MAP4: variants seen among roughly 807,000 people sequenced by gnomAD.
MAP4 encodes microtubule-associated protein 4.
MAP4 carries 76 observed loss-of-function variants against 170.2 expected under a neutral mutation model. The observed-to-expected ratio is 0.45, with a 90% confidence interval of 0.37 to 0.54. The LOEUF is 0.54. MAP4 is among the 20% of genes least tolerant of loss of function. The probability of loss-of-function intolerance (pLI) is 0.00; values close to 1 mark genes in which losing one functional copy is unlikely to be tolerated. For synonymous variants in MAP4, 909 were observed against 994.5 expected, an observed-to-expected ratio of 0.91 and a Z score of 1.62; for missense variants, 2,506 against 2,748.0, an observed-to-expected ratio of 0.91 and a Z score of 1.97.
chr3:47,858,573 G>A (rs1017738068), intron 17 of MAP4, among the ~76,000 whole-genome samples: 10 of 149,610 alleles, frequency 6.7e-5, no homozygotes, highest in African/African-American at 2.5e-4. Flanking sequence ...CCCCTTGGGA[G>A]AGGTGAGGGG....
At chr3:47,982,309 A>G (rs984864024) in intron 2 of MAP4, among the ~76,000 whole-genome samples, 5 of 152,236 alleles carry the variant, frequency 3.3e-5, no homozygotes, top group Non-Finnish European at 7.3e-5. Context: ...AGCACAATCA[A>G]GAAAAAACTT....
intron 1 of MAP4, among the ~76,000 whole-genome samples, chr3:48,032,022 T>C (rs1559825068): frequency 1.3e-5 from 2 of 151,998 alleles, no homozygotes; most frequent in Non-Finnish European, 2.9e-5. Flanking sequence ...CTCTGTCTAA[T>C]CATGAGAAAA....
At chr3:47,865,438 C>T (rs1032017109) in intron 17 of MAP4, among the ~76,000 whole-genome samples, 4 of 152,122 alleles carry the variant, frequency 2.6e-5, no homozygotes, top group African/African-American at 7.2e-5. Flanking sequence ...CAATTCCACC[C>T]GAGTGTAAAG....
intron 1 of MAP4, among the ~76,000 whole-genome samples, chr3:48,059,959 T>G (rs996754522): frequency 7.0e-6 from 1 of 142,742 alleles, no homozygotes; most frequent in African/African-American, 2.5e-5. Flanking sequence ...GGCCACAGAG[T>G]GAGACTCTGT....
intron 3 of MAP4, chr3:47,975,526 G>A (rs2100081532): frequency 9.0e-7 from 1 of 1,116,768 alleles, no homozygotes; most frequent in Admixed American, 2.0e-5. Context: ...GGGTGGAAAA[G>A]CACAGGTCAT....
chr3:48,074,728 T>C (rs560343485), intron 1 of MAP4, among the ~76,000 whole-genome samples: 1 of 34,990 alleles, frequency 2.9e-5, no homozygotes. Context: ...GTGTGTGTGA[T>C]ATGTCGGCCA....
chr3:48,072,155 T>C (rs1464288988), intron 1 of MAP4, among the ~76,000 whole-genome samples: 1 of 151,532 alleles, frequency 6.6e-6, no homozygotes, highest in Non-Finnish European at 1.5e-5. Flanking sequence ...GCCAAGATCA[T>C]GTCACTTCAC....
At chr3:47,954,834 T>G (rs1355219550) in intron 3 of MAP4, among the ~76,000 whole-genome samples, 1 of 152,172 alleles carries the variant, frequency 6.6e-6, no homozygotes, top group Non-Finnish European at 1.5e-5. Context: ...TGTTGTTATC[T>G]CCTCAGTTCC....
chr3:47,932,099 T>C (rs2100050195), intron 3 of MAP4, among the ~76,000 whole-genome samples: 4 of 152,182 alleles, frequency 2.6e-5, no homozygotes, highest in Non-Finnish European at 5.9e-5. Flanking sequence ...CACTTTCCCC[T>C]ACCCCTCGGT....
At chr3:47,866,959 T>C (rs990437251) in intron 17 of MAP4, among the ~76,000 whole-genome samples, 3 of 152,164 alleles carry the variant, frequency 2.0e-5, no homozygotes, top group African/African-American at 7.2e-5. Flanking sequence ...CTGACCACTG[T>C]GCTCAGACCC....
intron 10 of MAP4, among the ~76,000 whole-genome samples, chr3:47,880,716 G>C (rs1190638574): frequency 6.6e-6 from 1 of 152,126 alleles, no homozygotes; most frequent in Non-Finnish European, 1.5e-5. Context: ...TCCCACATCA[G>C]CTTCCCAAAG....
At chr3:47,917,909 A>G (rs1461964884) in intron 6 of MAP4, among the ~76,000 whole-genome samples, 1 of 152,128 alleles carries the variant, frequency 6.6e-6, no homozygotes, top group African/African-American at 2.4e-5. Context: ...GTGCAGTAGC[A>G]TGATCTCGGC....
chr3:47,915,827 T>G (rs1577525153), intron 7 of MAP4, 124 bp downstream of exon 7: 3 of 1,043,846 alleles, frequency 2.9e-6, no homozygotes, highest in Admixed American at 2.6e-5. Flanking sequence ...AGAGCAGGAG[T>G]ATGAATAAAC....
intron 1 of MAP4, among the ~76,000 whole-genome samples, chr3:48,079,297 A>C (rs1331425406): frequency 6.6e-6 from 1 of 152,110 alleles, no homozygotes; most frequent in Non-Finnish European, 1.5e-5. Context: ...AAAAATCCAA[A>C]ATATGAACAA....
intron 1 of MAP4, among the ~76,000 whole-genome samples, chr3:48,087,426 G>C (rs1292565458): frequency 6.6e-6 from 1 of 152,070 alleles, no homozygotes; most frequent in Non-Finnish European, 1.5e-5. Flanking sequence ...GGTGCTCTTT[G>C]AATCTCTTTG....
intron 10 of MAP4, chr3:47,892,022 GTCTCTAGTCCAT>G (rs1405608424): frequency 6.5e-7 from 1 of 1,536,160 alleles, no homozygotes; most frequent in Non-Finnish European, 8.7e-7. Flanking sequence ...CTGGCTCTTG[GTCTCTAGTCCAT>G]TCTTCCCTGC....
intron 2 of MAP4, among the ~76,000 whole-genome samples, chr3:47,992,397 T>C (rs1367441310): frequency 6.6e-6 from 1 of 152,154 alleles, no homozygotes; most frequent in East Asian, 1.9e-4. Context: ...AATGTAGTAA[T>C]TTACAACCTA....
At chr3:47,959,157 C>T (rs1458278700) in intron 3 of MAP4, among the ~76,000 whole-genome samples, 1 of 151,750 alleles carries the variant, frequency 6.6e-6, no homozygotes, top group Non-Finnish European at 1.5e-5. Flanking sequence ...AAAGAAAGCA[C>T]TTTTAAAAAT....
At chr3:47,901,598 C>T (rs1468718713) in intron 10 of MAP4, among the ~76,000 whole-genome samples, 1 of 151,668 alleles carries the variant, frequency 6.6e-6, no homozygotes, top group African/African-American at 2.4e-5. Context: ...CACCTGAGCC[C>T]AGGAGGCGGA....
Sources: gnomAD v4.1 joint callset for allele counts (sites outside exome capture counted in the v4.1 genomes callset) on GRCh38, gnomAD v4.1.1 for gene constraint, MANE v1.5 for transcripts, NCBI Gene and HGNC (gene_info 2026-07-23, HGNC 2026-07-21) for gene names.